The following DIP2A variants were observed in gnomAD, a reference collection of about 807,000 sequenced individuals.
DIP2A encodes the protein DIP2 acetate--CoA ligase A, also known as disco-interacting protein 2 homolog A.
In DIP2A, 85 loss-of-function variants were observed where a neutral mutation model predicts 177.4. The observed-to-expected ratio is 0.48, with a 90% CI of 0.40 to 0.57. DIP2A has a LOEUF of 0.57. DIP2A is among the 20% of genes least tolerant of loss of function. The pLI, the probability that DIP2A is intolerant of heterozygous loss-of-function variation, is 0.00. For synonymous variants in DIP2A, 886 were observed against 881.8 expected, an observed-to-expected ratio of 1.00 and a Z score of -0.08; for missense variants, 1,791 against 2,100.2, an observed-to-expected ratio of 0.85 and a Z score of 2.88.
Position 46,505,237 on chromosome 21 carries a change from A to G in DIP2A, c.784+748A>G, listed in dbSNP as rs560748074. Among the ~76,000 whole-genome samples, 3 of 152,294 alleles carry G rather than the reference A, an allele frequency of 2.0e-5. No individual in the cohort carries two copies. The South Asian group carries it at 6.2e-4, about 32-fold the overall frequency. ...ATTGGCTAGACATGTATTTAATTCA[A>G]TTTATTACTCTTTATATTTAAAAAA... On this transcript the variant is annotated intron_variant, in intron 6 of 37. Transcript: ENST00000417564.
chr21:46,530,903 G>T (rs577336759), intron 9 of DIP2A, among the ~76,000 whole-genome samples: 1 of 152,180 alleles, frequency 6.6e-6, no homozygotes, highest in Non-Finnish European at 1.5e-5. Context: ...GTGGAATGAT[G>T]CTTCAGACAT....
intron 8 of DIP2A, among the ~76,000 whole-genome samples, chr21:46,528,667 C>A (rs974656583): frequency 1.3e-5 from 2 of 149,836 alleles, no homozygotes; most frequent in Non-Finnish European, 3.0e-5. Context: ...GCTGGGATTA[C>A]AGGCACACAC....
intron 8 of DIP2A, among the ~76,000 whole-genome samples, chr21:46,518,416 T>C (rs2058678597): frequency 1.3e-5 from 2 of 152,348 alleles, no homozygotes; most frequent in South Asian, 2.1e-4. Context: ...GTCAGGCTTA[T>C]GAATTTTAGC....
At chr21:46,500,993 T>TTA (rs2057619104) in intron 5 of DIP2A, among the ~76,000 whole-genome samples, 2 of 152,234 alleles carry the variant, frequency 1.3e-5, no homozygotes, top group Non-Finnish European at 2.9e-5. Flanking sequence ...GGACTTGATT[T>TTA]AATACTTTGC....
chr21:46,546,891 C>A (rs780185594), intron 20 of DIP2A, 24 bp from the exon 21 acceptor site: 1 of 1,612,582 alleles, frequency 6.2e-7, no homozygotes, highest in Non-Finnish European at 8.5e-7. Context: ...TGGGTGGAGT[C>A]TTGACGCACA....
At chr21:46,518,302 C>G (rs1445572061) in intron 8 of DIP2A, among the ~76,000 whole-genome samples, 5 of 152,146 alleles carry the variant, frequency 3.3e-5, no homozygotes, top group Admixed American at 3.3e-4. Context: ...GGGTTATGGG[C>G]ACCTTCACAT....
intron 3 of DIP2A, among the ~76,000 whole-genome samples, chr21:46,491,495 A>G (rs1020695017): frequency 1.3e-5 from 2 of 152,264 alleles, no homozygotes; most frequent in African/African-American, 2.4e-5. Context: ...ATACACATTT[A>G]TAAAAAACTT....
intron 8 of DIP2A, among the ~76,000 whole-genome samples, chr21:46,517,493 C>T (rs1023610889): frequency 1.3e-5 from 2 of 152,284 alleles, no homozygotes; most frequent in African/African-American, 4.8e-5. Context: ...TGGCTGGTCG[C>T]TGCAGTCCAG....
chr21:46,459,117 C>G lies in DIP2A; in HGVS notation c.-15C>G. 2.0e-6 allele frequency: 3 copies of G among 1,482,144 alleles called. No homozygotes were observed. Among genetic ancestry groups the G allele is most frequent in the South Asian group, 1.3e-5 (1 of 75,900 alleles). 91.8% of individuals were successfully genotyped at this position (1,482,144 alleles called of 1,614,324 possible). ...TCCGGTTCCAGCCTCTGCCCGGACG[C>G]TAGCCGGCCTGGCCATGGCTGACCG... On this transcript the variant is annotated 5_prime_UTR_variant, in exon 1 of 38. Coordinates refer to ENST00000417564, the MANE Select transcript of DIP2A (RefSeq NM_015151.4).
intron 1 of DIP2A, among the ~76,000 whole-genome samples, chr21:46,480,151 C>G (rs770316048): frequency 6.6e-6 from 1 of 151,506 alleles, no homozygotes; most frequent in Non-Finnish European, 1.5e-5. Context: ...AACACGTAAC[C>G]GAGACTTGGT....
chr21:46,539,837 C>A, intron 16 of DIP2A, 40 bp from the exon 17 acceptor site: 1 of 1,529,308 alleles, frequency 6.5e-7, no homozygotes, highest in Non-Finnish European at 9.1e-7. Context: ...TGCTGGCCCC[C>A]CAGTTAGTGC....
intron 1 of DIP2A, among the ~76,000 whole-genome samples, chr21:46,468,626 G>A (rs2148296941): frequency 6.6e-6 from 1 of 152,244 alleles, no homozygotes; most frequent in South Asian, 2.1e-4. Flanking sequence ...CTGCTGTACA[G>A]CATAGTGCAT....
intron 8 of DIP2A, among the ~76,000 whole-genome samples, chr21:46,527,143 A>G (rs773120826): frequency 9.9e-5 from 15 of 151,902 alleles, no homozygotes; most frequent in Non-Finnish European, 1.8e-4. Flanking sequence ...TATTTTGTTA[A>G]TGTGGCAAAT....
intron 17 of DIP2A, 37 bp downstream of exon 17, chr21:46,540,028 G>C (rs202140918): frequency 6.5e-7 from 1 of 1,543,956 alleles, no homozygotes. Flanking sequence ...TGAGCACTTA[G>C]TTGAATCTTC....
Position 46,487,833 on chromosome 21 carries a change from C to A in DIP2A, c.164-2767C>A, listed in dbSNP as rs554514942. 2.0e-5 allele frequency among the ~76,000 whole-genome samples: 3 copies of A among 152,294 alleles called. No homozygotes were observed. In the South Asian group the frequency reaches 6.2e-4, roughly 32 times the overall value. On this transcript the variant is annotated intron_variant, in intron 2 of 37. Transcript: ENST00000417564. ...AGACCCTAATATATGAAGAAACATA[C>A]CAGTTTCCTAACTGGAAAAACTTAA...
chr21:46,483,506 G>A (rs1028635476), intron 1 of DIP2A, among the ~76,000 whole-genome samples: 1 of 152,206 alleles, frequency 6.6e-6, no homozygotes, highest in Non-Finnish European at 1.5e-5. Flanking sequence ...GGTGGAGTAG[G>A]TGGGGAGGTT....
intron 8 of DIP2A, among the ~76,000 whole-genome samples, chr21:46,519,462 G>T (rs1479757300): frequency 6.6e-6 from 1 of 152,134 alleles, no homozygotes; most frequent in Non-Finnish European, 1.5e-5. Flanking sequence ...TAATTCTAAA[G>T]GTTGTAGAGG....
chr21:46,477,543 TTGTGTG>T (rs1555874551), intron 1 of DIP2A, among the ~76,000 whole-genome samples: 4 of 87,094 alleles, frequency 4.6e-5, no homozygotes, highest in Non-Finnish European at 6.8e-5. Context: ...AAAAAAAGAT[TTGTGTG>T]TGTGTGTGTG....
chr21:46,500,245 C>G (rs1303357108), intron 5 of DIP2A, among the ~76,000 whole-genome samples: 1 of 152,198 alleles, frequency 6.6e-6, no homozygotes, highest in East Asian at 1.9e-4. Context: ...ACACTGCTTC[C>G]AGCTCATAAA....
Sources: allele counts gnomAD v4.1 joint callset (sites outside exome capture counted in the v4.1 genomes callset), GRCh38; gene constraint gnomAD v4.1.1; transcripts MANE v1.5; gene names NCBI Gene and HGNC (gene_info 2026-07-23, HGNC 2026-07-21).